The following ACOT9 variants were observed in gnomAD, a reference collection of about 807,000 sequenced individuals.
ACOT9 encodes acyl-CoA thioesterase 9, also known as acyl-coenzyme A thioesterase 9, mitochondrial.
Under a neutral mutation model 39.7 loss-of-function variants are expected in ACOT9, and 34 were observed. The ratio of observed to expected loss-of-function variants is 0.86; its 90% CI spans 0.65 to 1.14. ACOT9 has a LOEUF of 1.14. Ranked by LOEUF, ACOT9 falls within the 50% of genes most tolerant of loss-of-function variation. The pLI is 0.00. For synonymous variants in ACOT9, 110 were observed against 120.5 expected (o/e 0.91, Z 0.57); for missense variants, 313 against 344.1 (o/e 0.91, Z 0.71).
chrX:23,740,764 C>T lies in ACOT9; in HGVS notation c.20+2361G>A, dbSNP rs73625173. Among the ~76,000 whole-genome samples the T allele has an allele frequency of 3.8e-3, 312 of 82,906 alleles. 1 individual carries two copies. Among genetic ancestry groups the T allele is most frequent in the African/African-American group, 0.012 (293 of 24,756 alleles). 72.0% of individuals were successfully genotyped at this position (82,906 alleles called of 115,157 possible). On this transcript the variant is annotated intron_variant, in intron 1 of 15. Transcript: ENST00000379303. ...CACACACACACACACACACACACAC[C>T]GCACTGAGGTGGAGGAGGTGGGAGA... is the stretch of plus-strand genomic sequence containing the variant.
chrX:23,714,085 G>A (rs1928996900), intron 8 of ACOT9, among the ~76,000 whole-genome samples: 1 of 111,067 alleles, frequency 9.0e-6, no homozygotes, highest in African/African-American at 3.3e-5. Flanking sequence ...GAGATGGGCT[G>A]CTGGCATGGA....
At position 23,703,282 on chromosome X, in the gene ACOT9, T is replaced by C. The variant is rs1408127704; in HGVS notation, c.*612A>G. The C allele has an allele frequency of 2.7e-5, 3 of 110,186 alleles. No individual in the cohort carries two copies. The highest frequency in any genetic ancestry group is 3.8e-5 in the Non-Finnish European group (2 of 52,842). The allele number at this position is 110,186 out of a possible 1,213,427, so 9.1% of individuals were successfully genotyped here. A position where few individuals can be genotyped will look rare whatever the true frequency, so the allele number is the denominator to read the frequency against. ...ACCTTGTATACTGACAGTTGCAATA[T>C]GTGTAAGAAAAGAATGCATCCAATG... On this transcript the variant is annotated 3_prime_UTR_variant, in exon 16 of 16. Transcript: ENST00000379303.
chrX:23,705,556 A>AAG lies in ACOT9; in HGVS notation c.970_971dup (p.Met325LeufsTer2). ...ACGCAAGTTCATATGCCTTCCTCAT[A>AAG]AGGAAACCACCAAAGATCCGATTGA... On this transcript the variant is annotated frameshift_variant, in exon 13 of 16. Coordinates refer to ENST00000379303, the MANE Select transcript of ACOT9 (RefSeq NM_001037171.2). LOFTEE classifies it high-confidence loss of function. The AAG allele has an allele frequency of 1.7e-6, 2 of 1,211,131 alleles. No homozygotes were observed. Among genetic ancestry groups the AAG allele is most frequent in the Non-Finnish European group, 2.2e-6 (2 of 895,095 alleles).
chrX:23,735,190 G>A (rs187149189), intron 2 of ACOT9, among the ~76,000 whole-genome samples: 285 of 80,642 alleles, frequency 3.5e-3, no homozygotes, highest in African/African-American at 0.014. Context: ...GCAGTGAGCC[G>A]AGATCCTGCC....
chrX:23,725,921 G>A (rs1446690092), intron 6 of ACOT9, among the ~76,000 whole-genome samples: 6 of 111,212 alleles, frequency 5.4e-5, no homozygotes, highest in Admixed American at 2.9e-4. Context: ...TCAAAAGGCC[G>A]GGCGCAGTGG....
At chrX:23,718,297 T>C (rs1198416302) in intron 8 of ACOT9, among the ~76,000 whole-genome samples, 1 of 111,750 alleles carries the variant, frequency 8.9e-6, no homozygotes, top group Non-Finnish European at 1.9e-5. Context: ...GTGCTGGGAT[T>C]AGAACCTAAA....
intron 4 of ACOT9, 55 bp from the exon 5 acceptor site, chrX:23,731,041 C>A: frequency 9.4e-7 from 1 of 1,061,445 alleles, no homozygotes; most frequent in Non-Finnish European, 1.3e-6. Flanking sequence ...GCCCACAATT[C>A]CAGTGGTACA....
At chrX:23,714,922 T>A (rs1194264094) in intron 8 of ACOT9, among the ~76,000 whole-genome samples, 1 of 111,265 alleles carries the variant, frequency 9.0e-6, no homozygotes, top group African/African-American at 3.3e-5. Flanking sequence ...GGCCTTAAGA[T>A]GTTTCTTTAT....
At position 23,716,836 on chromosome X, in the gene ACOT9, G is replaced by A. The variant is rs1449209943; in HGVS notation, c.589-3628C>T. 6.4e-5 allele frequency among the ~76,000 whole-genome samples: 7 copies of A among 109,807 alleles called. No individual in the cohort carries two copies. The South Asian group carries it at 1.2e-3, about 19-fold the overall frequency. On this transcript the variant is annotated intron_variant, in intron 8 of 15. Transcript: ENST00000379303. ...CGAGTGGCTGGGATCACAGGCGCACGCCACCACACCAGCTAATTTTTTGTA... is the reference window on the plus strand; with the variant it reads ...CGAGTGGCTGGGATCACAGGCGCACACCACCACACCAGCTAATTTTTTGTA...
intron 6 of ACOT9, among the ~76,000 whole-genome samples, chrX:23,726,530 C>T (rs1375999055): frequency 1.8e-5 from 2 of 110,939 alleles, no homozygotes; most frequent in South Asian, 3.7e-4. Flanking sequence ...CACAGCCGAC[C>T]GGGAAATGTT....
In ACOT9 at chrX:23,722,718, C is replaced by G. The variant is rs370320089; in HGVS notation, c.436G>C (p.Ala146Pro). Residue 146 changes from alanine (A) to proline (P), a missense_variant, in exon 7 of 16, where the codon GCC becomes CCC. By Grantham distance (27) the Ala-to-Pro change is conservative. Coordinates refer to ENST00000379303, the MANE Select transcript of ACOT9 (RefSeq NM_001037171.2). ...ACTATCGATAAAGGAGACATCTTGG[C>G]GGAGTGGATTTTGTTGTGCATGTAA... is the stretch of plus-strand genomic sequence containing the variant. The part of the protein sequence containing the change: ...ICYMHNKIHS[A>P]KMSPLSIVTA... 122 of 1,202,661 alleles carry G rather than the reference C, an allele frequency of 1.0e-4. No individual in the cohort carries two copies. The highest frequency in any genetic ancestry group is 1.3e-4 in the Non-Finnish European group (117 of 890,110).
At chrX:23,706,860 G>A (rs938579750) in intron 10 of ACOT9, 121 bp from the exon 11 acceptor site, 19 of 430,005 alleles carry the variant, frequency 4.4e-5, no homozygotes, top group African/African-American at 3.8e-4. Flanking sequence ...AGAGAAAACT[G>A]CAGAGGCCAC....
Position 23,701,324 on chromosome X carries a change from A to T in ACOT9, c.*2570T>A, listed in dbSNP as rs749744061. ...GGTAAATCTCAGTCAGGATGGCATT[A>T]CGGCATGGAGAGACAAGTTATTATA... On this transcript the variant is annotated 3_prime_UTR_variant, in exon 16 of 16. Coordinates refer to ENST00000379303, the MANE Select transcript of ACOT9 (RefSeq NM_001037171.2). Among the ~76,000 whole-genome samples, 80 of 111,322 alleles carry T rather than the reference A, an allele frequency of 7.2e-4. No homozygotes were observed. Among genetic ancestry groups the T allele is most frequent in the Non-Finnish European group, 1.3e-3 (68 of 53,108 alleles).
chrX:23,708,543 A>AG lies in ACOT9; in HGVS notation c.663-600_663-599insC, dbSNP rs1251782381. Among the ~76,000 whole-genome samples, 669 of 108,716 alleles carry AG rather than the reference A, an allele frequency of 6.2e-3. 1 individual carries two copies. The highest frequency in any genetic ancestry group is 0.022 in the African/African-American group (632 of 28,857). 94.4% of individuals were successfully genotyped at this position (108,716 alleles called of 115,157 possible). A position where few individuals can be genotyped will look rare whatever the true frequency, so the allele number is the denominator to read the frequency against. On this transcript the variant is annotated intron_variant, in intron 9 of 15. Transcript: ENST00000379303. Reference sequence around the variant, plus strand: ...GAAACTCTGTCTCAAAAAAAGAAAAAAAAAAAAAAAAGAAAAAGAAAACTG... The same window carrying AG: ...GAAACTCTGTCTCAAAAAAAGAAAAAGAAAAAAAAAAAGAAAAAGAAAACTG...
In ACOT9 at chrX:23,706,669, C is replaced by CCT; in HGVS notation, c.799_800dup (p.Thr268GlyfsTer17). ...TGAGAAACATCTCATGTATGGTGGT[C>CCT]CTCTCCTCAGCGCTGGGGGCCATTT... is the stretch of plus-strand genomic sequence containing the variant. On this transcript the variant is annotated frameshift_variant, in exon 11 of 16. Coordinates refer to ENST00000379303, the MANE Select transcript of ACOT9 (RefSeq NM_001037171.2). LOFTEE classifies it high-confidence loss of function. 1.7e-6 allele frequency: 2 copies of CCT among 1,206,980 alleles called. No homozygotes were observed. The highest frequency in any genetic ancestry group is 3.5e-5 in the South Asian group (2 of 56,606).
At chrX:23,729,599 A>G (rs771947769) in intron 6 of ACOT9, among the ~76,000 whole-genome samples, 5 of 105,376 alleles carry the variant, frequency 4.7e-5, no homozygotes, top group African/African-American at 1.8e-4. Context: ...CATGTCAGCC[A>G]CTTATTCTCA....
intron 6 of ACOT9, among the ~76,000 whole-genome samples, chrX:23,725,970 G>A (rs990929079): frequency 9.0e-6 from 1 of 110,957 alleles, no homozygotes; most frequent in East Asian, 2.8e-4. Context: ...AGGCCGAGGC[G>A]AGTGGATCAC....
At chrX:23,727,576 C>G (rs113794390) in intron 6 of ACOT9, among the ~76,000 whole-genome samples, 1 of 109,938 alleles carries the variant, frequency 9.1e-6, no homozygotes, top group African/African-American at 3.3e-5. Flanking sequence ...CCTCCTGCCT[C>G]GATCTCCCAA....
rs1928533136 is a variant in ACOT9 at position 23,703,001 on chromosome X, T to G, written c.*893A>C. ...TCTGGTGAATGAAAGAATGACCAAA[T>G]GGTCCTGTATTTCCTTATCTAGATC... On this transcript the variant is annotated 3_prime_UTR_variant, in exon 16 of 16. Coordinates refer to ENST00000379303, the MANE Select transcript of ACOT9 (RefSeq NM_001037171.2). The G allele has an allele frequency of 8.9e-6, 1 of 112,487 alleles. No individual in the cohort carries two copies. Among genetic ancestry groups the G allele is most frequent in the African/African-American group, 3.2e-5 (1 of 31,018 alleles). 9.3% of individuals were successfully genotyped at this position (112,487 alleles called of 1,213,427 possible).
Sources: allele counts gnomAD v4.1 joint callset (sites outside exome capture counted in the v4.1 genomes callset), GRCh38; gene constraint gnomAD v4.1.1; transcripts MANE v1.5; gene names NCBI Gene and HGNC (gene_info 2026-07-23, HGNC 2026-07-21).